Variants in SLC66A1 observed in about 807,000 individuals in gnomAD.
SLC66A1 encodes lysosomal amino acid transporter 1 homolog.
Under a neutral mutation model 33.0 loss-of-function variants are expected in SLC66A1, and 23 were observed. That is an observed-to-expected ratio of 0.70 (90% CI 0.50 to 0.99). SLC66A1 has a LOEUF of 0.99. SLC66A1 is among the 50% of genes least tolerant of loss of function. The pLI, the probability that SLC66A1 is intolerant of heterozygous loss-of-function variation, is 0.00. For missense variants in SLC66A1, 335 were observed against 383.6 expected (o/e 0.87, Z 1.06); for synonymous variants, 164 against 175.5 (o/e 0.93, Z 0.52).
intron 2 of SLC66A1, among the ~76,000 whole-genome samples, chr1:19,321,685 G>C (rs1350445100): frequency 1.3e-5 from 2 of 149,398 alleles, no homozygotes; most frequent in East Asian, 3.9e-4. Context: ...TCCTACCTCA[G>C]CCTCCTGAGT....
At chr1:19,322,906 A>G (rs2093845196) in intron 2 of SLC66A1, among the ~76,000 whole-genome samples, 1 of 151,516 alleles carries the variant, frequency 6.6e-6, no homozygotes, top group Non-Finnish European at 1.5e-5. Context: ...TTTTGAGACA[A>G]GGTCTCACTG....
At chr1:19,314,877 C>T (rs1229423997) in intron 1 of SLC66A1, among the ~76,000 whole-genome samples, 1 of 150,412 alleles carries the variant, frequency 6.6e-6, no homozygotes, top group African/African-American at 2.5e-5. Context: ...ACGTGTAGTT[C>T]TCACCTGGAC....
intron 7 of SLC66A1, 184 bp downstream of exon 7, chr1:19,327,596 C>A: frequency 1.2e-6 from 1 of 803,904 alleles, no homozygotes; most frequent in Non-Finnish European, 2.1e-6. Flanking sequence ...GTGTGCCAGG[C>A]ACCCAGCTGG....
intron 2 of SLC66A1, among the ~76,000 whole-genome samples, chr1:19,321,093 T>C (rs974993195): frequency 6.7e-6 from 1 of 149,808 alleles, no homozygotes; most frequent in Admixed American, 6.6e-5. Flanking sequence ...TTTTCTCTTT[T>C]GTTTCTTGTG....
At position 19,317,828 on chromosome 1, in the gene SLC66A1, G is replaced by A; in HGVS notation, c.151G>A (p.Ala51Thr). Residue 51 changes from alanine to threonine, a missense_variant, in exon 2 of 8, where the codon GCA (alanine) becomes ACA (threonine). By Grantham distance (58) the Ala-to-Thr change is moderately conservative. Transcript: ENST00000375153. ...LGLISILCFA[A>T]STFPQFIKAY... ...CTTGATCTCCATTCTCTGCTTTGCT[G>A]CATCTACCTTCCCGTGAGTAGTGTC... 2 of 1,613,906 alleles carry A rather than the reference G, an allele frequency of 1.2e-6. No individual in the cohort carries two copies. The highest frequency in any genetic ancestry group is 2.2e-5 in the East Asian group (1 of 44,882).
intron 1 of SLC66A1, among the ~76,000 whole-genome samples, chr1:19,315,727 CCTCCCTCT>C (rs890412299): frequency 1.3e-5 from 2 of 152,138 alleles, no homozygotes; most frequent in Non-Finnish European, 2.9e-5. Flanking sequence ...TCTCTCTCTC[CCTCCCTCT>C]CTCCCTCTCT....
Position 19,328,999 on chromosome 1 carries a change from G to A in SLC66A1, c.*356G>A, listed in dbSNP as rs574109035. ...AGGCCGGGTACAGTGGCTCGCACCTGTAATCCTAGCACTTTGGGAGGCCGA... is the reference window on the plus strand; with the variant it reads ...AGGCCGGGTACAGTGGCTCGCACCTATAATCCTAGCACTTTGGGAGGCCGA... On this transcript the variant is annotated 3_prime_UTR_variant, in exon 8 of 8. Coordinates refer to ENST00000375153, the MANE Select transcript of SLC66A1 (RefSeq NM_001040125.2). The surrounding 1 kb of genome is among the most constrained non-coding windows in gnomAD (Gnocchi z 4.7). 2.5e-5 allele frequency: 8 copies of A among 315,268 alleles called. No homozygotes were observed. In the East Asian group the frequency reaches 4.5e-4, roughly 18 times the overall value. The allele number at this position is 315,268 out of a possible 1,614,324, so 19.5% of individuals were successfully genotyped here. A position where few individuals can be genotyped will look rare whatever the true frequency, so the allele number is the denominator to read the frequency against.
At position 19,317,960 on chromosome 1, in the gene SLC66A1, G is replaced by C. The variant is rs77996606; in HGVS notation, c.164+119G>C. ...ACGGGCCTCTCCAGACTAGAGGCTGGGGTGTGTTCCCTCGACAGGGACCTG... is the reference window on the plus strand; with the variant it reads ...ACGGGCCTCTCCAGACTAGAGGCTGCGGTGTGTTCCCTCGACAGGGACCTG... On this transcript the variant is annotated intron_variant, in intron 2 of 7. Coordinates refer to ENST00000375153, the MANE Select transcript of SLC66A1 (RefSeq NM_001040125.2). 1.6e-3 allele frequency: 2,323 copies of C among 1,446,516 alleles called. 34 individuals carry two copies. In the African/African-American group the frequency reaches 0.03, roughly 19 times the overall value. The allele number at this position is 1,446,516 out of a possible 1,614,324, so 89.6% of individuals were successfully genotyped here. A position where few individuals can be genotyped will look rare whatever the true frequency, so the allele number is the denominator to read the frequency against.
chr1:19,325,372 A>T, intron 3 of SLC66A1, 123 bp from the exon 4 acceptor site: 1 of 663,608 alleles, frequency 1.5e-6, no homozygotes, highest in South Asian at 1.8e-5. Flanking sequence ...AAGGAAACAG[A>T]AGCTCAGAGA....
downstream of SLC66A1, among the ~76,000 whole-genome samples, chr1:19,333,998 C>T (rs1352065093): frequency 6.6e-6 from 1 of 152,228 alleles, no homozygotes; most frequent in Non-Finnish European, 1.5e-5. This position sits in a 1 kb window ranked among gnomAD's most constrained non-coding sequence, Gnocchi z 4.2. Flanking sequence ...TTACCTTCCA[C>T]CGTGGATTAA....
chr1:19,313,304 C>A, intron 1 of SLC66A1: 7 of 927,980 alleles, frequency 7.5e-6, no homozygotes, highest in Non-Finnish European at 8.9e-6. Context: ...TTCCTCTTCT[C>A]TCTCTTCCAC....
At chr1:19,329,996 A>T (rs567458913), downstream of SLC66A1, among the ~76,000 whole-genome samples, 62 of 152,010 alleles carry the variant, frequency 4.1e-4, 2 homozygotes, top group East Asian at 0.011. Flanking sequence ...TTTTATTTTT[A>T]AAATTTTTTA....
chr1:19,319,673 C>T (rs2093824544), intron 2 of SLC66A1, among the ~76,000 whole-genome samples: 2 of 139,752 alleles, frequency 1.4e-5, no homozygotes, highest in South Asian at 2.2e-4. Context: ...GAGGCTAAGG[C>T]GGGCAGATCG....
rs1251168235 is a variant in SLC66A1 at position 19,327,337 on chromosome 1, G to C, written c.729G>C (p.Gln243His). Residue 243 changes from glutamine (Q) to histidine (H), a missense_variant, in exon 7 of 8, where the codon CAG becomes CAC. Coordinates refer to ENST00000375153, the MANE Select transcript of SLC66A1 (RefSeq NM_001040125.2). ...TGCTCAAAAACCCCGAGGAGGGCCA[G>C]AGCGAGGGCAGCTACCTGCTGCACC... ...SVLLKNPEEGQSEGSYLLHHL... is the reference protein window; with the variant it reads ...SVLLKNPEEGHSEGSYLLHHL... 3 of 1,612,634 alleles carry C rather than the reference G, an allele frequency of 1.9e-6. No homozygotes were observed. Among genetic ancestry groups the C allele is most frequent in the African/African-American group, 2.7e-5 (2 of 75,036 alleles).
chr1:19,326,980 G>C (rs554658999), intron 6 of SLC66A1, among the ~76,000 whole-genome samples: 1 of 152,286 alleles, frequency 6.6e-6, no homozygotes, highest in South Asian at 2.1e-4. Context: ...GTGGAATGCA[G>C]GGTGGTGTGG....
At position 19,325,572 on chromosome 1, in the gene SLC66A1, C is replaced by G; in HGVS notation, c.372C>G (p.Arg124=). ...ACTTTTACTACAAGTTCAGGACGCG[C>G]CCCTCTCTGTGTGAGTATGGGGACC... ...TLYFYYKFRT[R]PSLLSAPINS... Residue 124 remains arginine (R), a synonymous_variant, in exon 4 of 8, where the codon CGC becomes CGG. Coordinates refer to ENST00000375153, the MANE Select transcript of SLC66A1 (RefSeq NM_001040125.2). The G allele has an allele frequency of 6.3e-7, 1 of 1,599,148 alleles. No homozygotes were observed. The highest frequency in any genetic ancestry group is 1.3e-5 in the African/African-American group (1 of 74,630).
intron 1 of SLC66A1, among the ~76,000 whole-genome samples, chr1:19,314,503 G>A (rs1012658182): frequency 6.6e-6 from 1 of 152,228 alleles, no homozygotes; most frequent in Non-Finnish European, 1.5e-5. Flanking sequence ...GGAAATGAGA[G>A]GGAGAGTCCC....
At chr1:19,314,046 C>T (rs1035416659) in intron 1 of SLC66A1, among the ~76,000 whole-genome samples, 2 of 152,228 alleles carry the variant, frequency 1.3e-5, no homozygotes, top group African/African-American at 2.4e-5. Context: ...TGGGGTCCTT[C>T]CCATCCCTGC....
intron 1 of SLC66A1, among the ~76,000 whole-genome samples, chr1:19,315,453 G>A (rs972470246): frequency 6.6e-6 from 1 of 152,186 alleles, no homozygotes; most frequent in Non-Finnish European, 1.5e-5. Flanking sequence ...GTCACATTAG[G>A]GCTGAGGGTC....
Sources: allele counts gnomAD v4.1 joint callset (sites outside exome capture counted in the v4.1 genomes callset), GRCh38; gene constraint gnomAD v4.1.1; non-coding constraint Gnocchi (gnomAD v3.1); transcripts MANE v1.5; gene names NCBI Gene and HGNC (gene_info 2026-07-23, HGNC 2026-07-21).